Variants in CSMD3 observed in about 807,000 individuals in gnomAD.
CSMD3 encodes CUB and sushi domain-containing protein 3.
Under a neutral mutation model 435.2 loss-of-function variants are expected in CSMD3, and 177 were observed. The observed-to-expected ratio is 0.41, with a 90% CI of 0.36 to 0.46. CSMD3 has a LOEUF of 0.46. CSMD3 is among the 20% of genes least tolerant of loss of function. The probability of loss-of-function intolerance (pLI) is 0.34; values close to 1 mark genes in which losing one functional copy is unlikely to be tolerated. For synonymous variants in CSMD3, 1,656 were observed against 1,520.5 expected (o/e 1.09, Z -2.07); for missense variants, 4,265 against 4,504.6 (o/e 0.95, Z 1.52).
intron 22 of CSMD3, among the ~76,000 whole-genome samples, chr8:112,630,011 G>A (rs1325324617): frequency 2.0e-5 from 3 of 152,116 alleles, no homozygotes; most frequent in Admixed American, 1.3e-4. Flanking sequence ...AAGAATTGAA[G>A]CTTTCAGTTC....
intron 4 of CSMD3, among the ~76,000 whole-genome samples, chr8:113,143,810 T>C (rs912400281): frequency 6.6e-6 from 1 of 151,350 alleles, no homozygotes; most frequent in Admixed American, 6.6e-5. Flanking sequence ...GGGGTGGGAA[T>C]GAGTTTGGCT....
chr8:112,267,315 G>A (rs1441176884), intron 59 of CSMD3, among the ~76,000 whole-genome samples: 5 of 151,984 alleles, frequency 3.3e-5, no homozygotes, highest in Non-Finnish European at 7.4e-5. Flanking sequence ...TAAACTGTTT[G>A]AGTGTTTCTT....
chr8:113,037,790 A>G lies in CSMD3; in HGVS notation c.918-18611T>C, dbSNP rs148351437. On this transcript the variant is annotated intron_variant, in intron 5 of 70. Transcript: ENST00000297405. ...AATGGATTTATTATGCAAAGGCAAA[A>G]CAAAAAAAAACAAAACAGAAACTGA... Among the ~76,000 whole-genome samples the G allele has an allele frequency of 1.6e-4, 24 of 152,278 alleles. No homozygotes were observed. In the East Asian group the frequency reaches 4.6e-3, roughly 29 times the overall value.
intron 13 of CSMD3, among the ~76,000 whole-genome samples, chr8:112,756,918 G>A (rs1235372165): frequency 2.0e-5 from 3 of 151,792 alleles, no homozygotes; most frequent in Admixed American, 6.6e-5. Flanking sequence ...ACAGGCACAC[G>A]TCACCATGCC....
intron 13 of CSMD3, among the ~76,000 whole-genome samples, chr8:112,749,799 G>A (rs1297900901): frequency 2.6e-5 from 4 of 151,916 alleles, no homozygotes; most frequent in African/African-American, 9.7e-5. Context: ...TTGCAGTTTT[G>A]ACTATTAAAA....
intron 5 of CSMD3, among the ~76,000 whole-genome samples, chr8:113,077,115 C>T (rs550006108): frequency 5.3e-5 from 8 of 152,122 alleles, no homozygotes; most frequent in African/African-American, 7.2e-5. Context: ...AATATATATA[C>T]ACATACACAC....
intron 32 of CSMD3, among the ~76,000 whole-genome samples, chr8:112,425,673 A>G (rs965536001): frequency 6.6e-6 from 1 of 152,174 alleles, no homozygotes; most frequent in Non-Finnish European, 1.5e-5. Context: ...AAGCATATTG[A>G]CAGTCAGATT....
At chr8:113,391,690 A>T (rs2094461753) in intron 1 of CSMD3, among the ~76,000 whole-genome samples, 1 of 152,002 alleles carries the variant, frequency 6.6e-6, no homozygotes, top group Admixed American at 6.6e-5. Context: ...AGAATTAAAT[A>T]TGTGTGAGAA....
At chr8:113,193,415 T>G (rs1313030683) in intron 3 of CSMD3, among the ~76,000 whole-genome samples, 1 of 151,394 alleles carries the variant, frequency 6.6e-6, no homozygotes. Flanking sequence ...ACCAATTCAT[T>G]AGACTTCCAG....
At chr8:112,350,204 T>C (rs768465163) in intron 40 of CSMD3, among the ~76,000 whole-genome samples, 57 of 151,476 alleles carry the variant, frequency 3.8e-4, no homozygotes, top group East Asian at 1.9e-4. Context: ...TGTTCTGCTA[T>C]GGAAACCCAA....
intron 3 of CSMD3, among the ~76,000 whole-genome samples, chr8:113,179,210 A>T (rs954083803): frequency 2.0e-5 from 3 of 150,598 alleles, no homozygotes; most frequent in African/African-American, 7.4e-5. Flanking sequence ...ATTATTACAT[A>T]AAACAGTATA....
At chr8:112,395,156 T>A (rs1286574010) in intron 35 of CSMD3, among the ~76,000 whole-genome samples, 1 of 152,296 alleles carries the variant, frequency 6.6e-6, no homozygotes, top group South Asian at 2.1e-4. Context: ...ATGATAAATT[T>A]CTGTTCTGAT....
chr8:112,267,388 A>G (rs1372422711), intron 59 of CSMD3, among the ~76,000 whole-genome samples: 2 of 152,138 alleles, frequency 1.3e-5, no homozygotes, highest in African/African-American at 2.4e-5. Flanking sequence ...TTGGGGAGTA[A>G]AAAGATTTTT....
intron 4 of CSMD3, among the ~76,000 whole-genome samples, chr8:113,119,282 G>A (rs983425609): frequency 2.6e-5 from 4 of 152,114 alleles, no homozygotes; most frequent in Non-Finnish European, 5.9e-5. Flanking sequence ...ACTATTCTGA[G>A]CCTTTAAAAT....
At chr8:112,234,260 G>C in intron 68 of CSMD3, 105 bp downstream of exon 68, 1 of 714,890 alleles carries the variant, frequency 1.4e-6, no homozygotes, top group East Asian at 2.6e-5. Flanking sequence ...ATATATGTAT[G>C]TGTATGTATT....
At chr8:113,147,087 TA>T (rs1460951197) in intron 4 of CSMD3, among the ~76,000 whole-genome samples, 1 of 151,682 alleles carries the variant, frequency 6.6e-6, no homozygotes, top group Non-Finnish European at 1.5e-5. Context: ...TAGCAGCCTT[TA>T]AATATGAATT....
intron 4 of CSMD3, among the ~76,000 whole-genome samples, chr8:113,138,579 C>G (rs977757176): frequency 1.3e-5 from 2 of 151,126 alleles, no homozygotes; most frequent in Non-Finnish European, 3.0e-5. Flanking sequence ...ATATTTACTG[C>G]AAATACAATT....
intron 11 of CSMD3, among the ~76,000 whole-genome samples, chr8:112,840,717 AT>A (rs1255087489): frequency 6.6e-6 from 1 of 151,748 alleles, no homozygotes; most frequent in Non-Finnish European, 1.5e-5. Flanking sequence ...TAAAACTTTA[AT>A]AAAAAAAGAG....
At chr8:113,429,166 G>A (rs946757810) in intron 1 of CSMD3, among the ~76,000 whole-genome samples, 6 of 151,120 alleles carry the variant, frequency 4.0e-5, no homozygotes, top group East Asian at 1.9e-4. Context: ...AATTGATAAC[G>A]TATGGATGTT....
Sources: gnomAD v4.1 joint callset for allele counts (sites outside exome capture counted in the v4.1 genomes callset) on GRCh38, gnomAD v4.1.1 for gene constraint, MANE v1.5 for transcripts, NCBI Gene and HGNC (gene_info 2026-07-23, HGNC 2026-07-21) for gene names.